Variants in TBC1D5 observed in about 807,000 individuals in gnomAD.
The protein encoded by TBC1D5 is TBC1 domain family member 5, also known as TBC1 domain family, member 5.
A neutral mutation model predicts 100.3 loss-of-function variants in TBC1D5; 75 were observed. The ratio of observed to expected loss-of-function variants is 0.75; its 90% CI spans 0.62 to 0.91. The LOEUF (loss-of-function observed/expected upper bound fraction) is 0.91. Among genes scored for constraint, TBC1D5 ranks in the 40% least tolerant of loss-of-function variants. The pLI is 0.00. For synonymous variants in TBC1D5, 323 were observed against 325.6 expected (o/e 0.99, Z 0.09); for missense variants, 910 against 942.4 (o/e 0.97, Z 0.45).
chr3:17,176,477 A>G (rs181951090), intron 19 of TBC1D5, among the ~76,000 whole-genome samples: 10 of 152,352 alleles, frequency 6.6e-5, no homozygotes, highest in African/African-American at 2.2e-4. Flanking sequence ...TATGACTATA[A>G]TTGTTAGAAA....
intron 14 of TBC1D5, among the ~76,000 whole-genome samples, chr3:17,297,723 T>C (rs189290263): frequency 6.6e-6 from 1 of 151,936 alleles, no homozygotes; most frequent in Non-Finnish European, 1.5e-5. Context: ...GCTGGGACTA[T>C]AGGCGTGTGC....
intron 2 of TBC1D5, among the ~76,000 whole-genome samples, chr3:17,537,579 C>T (rs144803213): frequency 1.3e-5 from 2 of 152,148 alleles, no homozygotes; most frequent in Admixed American, 6.5e-5. Flanking sequence ...CTCCTCCCCC[C>T]ACTCCTGGCA....
chr3:17,677,196 A>G (rs2068754653), intron 1 of TBC1D5, among the ~76,000 whole-genome samples: 2 of 152,194 alleles, frequency 1.3e-5, no homozygotes, highest in Non-Finnish European at 2.9e-5. Context: ...AAAAGAAACT[A>G]CCATCAGAGT....
chr3:17,667,346 A>G (rs1417290395), intron 1 of TBC1D5, among the ~76,000 whole-genome samples: 4 of 152,236 alleles, frequency 2.6e-5, no homozygotes, highest in African/African-American at 9.6e-5. Context: ...TAAAGGACTC[A>G]CTTAAAAAAA....
chr3:17,217,364 T>G (rs1362736746), intron 17 of TBC1D5, among the ~76,000 whole-genome samples: 1 of 152,004 alleles, frequency 6.6e-6, no homozygotes, highest in Admixed American at 6.6e-5. Flanking sequence ...TGTGGACATA[T>G]TGTTTCCCTT....
intron 13 of TBC1D5, among the ~76,000 whole-genome samples, chr3:17,359,996 A>C (rs1051830551): frequency 3.9e-5 from 6 of 151,956 alleles, no homozygotes; most frequent in Non-Finnish European, 5.9e-5. Context: ...GTCCTGAAAA[A>C]TTCTCCTTCA....
chr3:17,583,267 A>G (rs1382431846), intron 2 of TBC1D5, among the ~76,000 whole-genome samples: 1 of 152,132 alleles, frequency 6.6e-6, no homozygotes, highest in Non-Finnish European at 1.5e-5. Context: ...CCTGGGAGAC[A>G]GAGTGACACC....
At chr3:17,734,399 G>A (rs915599859) in intron 1 of TBC1D5, among the ~76,000 whole-genome samples, 1 of 152,118 alleles carries the variant, frequency 6.6e-6, no homozygotes, top group Non-Finnish European at 1.5e-5. Context: ...ACAGTATTGA[G>A]GAAATTGGCT....
intron 1 of TBC1D5, among the ~76,000 whole-genome samples, chr3:17,729,078 CA>C (rs2076353873): frequency 8.2e-6 from 1 of 121,352 alleles, no homozygotes; most frequent in African/African-American, 3.0e-5. Flanking sequence ...CTCAAACAGG[CA>C]ATAAAGAAAG....
intron 1 of TBC1D5, among the ~76,000 whole-genome samples, chr3:17,643,394 T>G (rs2064716245): frequency 6.6e-6 from 1 of 152,102 alleles, no homozygotes; most frequent in Non-Finnish European, 1.5e-5. Context: ...ATTTTTCTCT[T>G]TGTAATTATT....
chr3:17,557,406 C>T (rs1325443659), intron 2 of TBC1D5, among the ~76,000 whole-genome samples: 5 of 152,228 alleles, frequency 3.3e-5, no homozygotes, highest in Non-Finnish European at 7.3e-5. Context: ...GCCAATACGT[C>T]ACTCTTCCAA....
Position 17,204,724 on chromosome 3 carries a change from AT to A in TBC1D5, c.1752+9482del, listed in dbSNP as rs562899484. Among the ~76,000 whole-genome samples, 180 of 150,586 alleles carry A rather than the reference AT, an allele frequency of 1.2e-3. 2 individuals are homozygous for A. The highest frequency in any genetic ancestry group is 3.4e-3 in the Middle Eastern group (1 of 294). ...GATTCTGCTTTCACAGCCTTCTCAG[AT>A]TTTTTTTTTAATTTAAAATAAATGT... On this transcript the variant is annotated intron_variant, in intron 18 of 21. Transcript: ENST00000253692.
chr3:17,690,678 T>C (rs921093236), intron 1 of TBC1D5, among the ~76,000 whole-genome samples: 37 of 152,294 alleles, frequency 2.4e-4, no homozygotes, highest in African/African-American at 7.9e-4. Context: ...ATAAGACTGC[T>C]AACCCTTTTG....
chr3:17,690,201 CAT>C (rs1560473215), intron 1 of TBC1D5, among the ~76,000 whole-genome samples: 7 of 75,742 alleles, frequency 9.2e-5, no homozygotes, highest in African/African-American at 3.1e-4. Context: ...TAAAAATAGC[CAT>C]ATTTTTTTTT....
intron 3 of TBC1D5, among the ~76,000 whole-genome samples, chr3:17,429,165 A>T (rs1028141691): frequency 6.6e-6 from 1 of 151,958 alleles, no homozygotes; most frequent in African/African-American, 2.4e-5. Context: ...TAGAAAAAAA[A>T]TTTTTACTCA....
At chr3:17,490,510 G>C (rs2095625830) in intron 3 of TBC1D5, among the ~76,000 whole-genome samples, 1 of 152,166 alleles carries the variant, frequency 6.6e-6, no homozygotes, top group South Asian at 2.1e-4. Flanking sequence ...TTTTGTATAA[G>C]GTGTAAGGAA....
chr3:17,294,696 T>A lies in TBC1D5; in HGVS notation c.1139-2695A>T, dbSNP rs141893226. 8.1e-4 allele frequency among the ~76,000 whole-genome samples: 123 copies of A among 152,342 alleles called. 1 individual carries two copies. Among genetic ancestry groups the A allele is most frequent in the Non-Finnish European group, 1.5e-3 (99 of 68,030 alleles). On this transcript the variant is annotated intron_variant, in intron 14 of 21. Coordinates refer to ENST00000253692, the Ensembl canonical transcript of TBC1D5. ...TCCTGAGCATCTACTAAATGCCAGA[T>A]ATCCAGAGACTATGCTAGGCACCTG...
At chr3:17,365,246 G>A (rs914388432) in intron 13 of TBC1D5, among the ~76,000 whole-genome samples, 3 of 151,788 alleles carry the variant, frequency 2.0e-5, no homozygotes, top group African/African-American at 7.3e-5. Flanking sequence ...ATTTTTGTTC[G>A]CCTCTCAGTG....
At chr3:17,670,666 A>G (rs2067838989) in intron 1 of TBC1D5, among the ~76,000 whole-genome samples, 1 of 152,214 alleles carries the variant, frequency 6.6e-6, no homozygotes, top group Admixed American at 6.5e-5. Flanking sequence ...GTAGTTTTTA[A>G]TTAGTCTGGG....
Sources: allele counts gnomAD v4.1 joint callset (sites outside exome capture counted in the v4.1 genomes callset), GRCh38; gene constraint gnomAD v4.1.1; transcripts MANE v1.5; gene names NCBI Gene and HGNC (gene_info 2026-07-23, HGNC 2026-07-21).